Variants in SLC25A53 observed in about 807,000 individuals in gnomAD.
SLC25A53 encodes solute carrier family 25 member 53.
In SLC25A53, 5 loss-of-function variants were observed where a neutral mutation model predicts 15.0. The ratio of observed to expected loss-of-function variants is 0.33; its 90% CI spans 0.17 to 0.70. SLC25A53 has a LOEUF of 0.70. SLC25A53 is among the 30% of genes least tolerant of loss of function. The pLI is 0.67. For synonymous variants in SLC25A53, 95 were observed against 100.0 expected, an observed-to-expected ratio of 0.95 and a Z score of 0.30; for missense variants, 216 against 241.6, an observed-to-expected ratio of 0.89 and a Z score of 0.70.
intron 1 of SLC25A53, among the ~76,000 whole-genome samples, chrX:104,121,908 T>TTC (rs2075394928): frequency 3.0e-5 from 1 of 33,528 alleles, no homozygotes; most frequent in African/African-American, 9.4e-5. Context: ...TATATATATA[T>TTC]ATATATATAT....
intron 1 of SLC25A53, among the ~76,000 whole-genome samples, chrX:104,140,905 C>G (rs782052995): frequency 3.6e-5 from 4 of 110,811 alleles, no homozygotes; most frequent in Non-Finnish European, 7.6e-5. Context: ...CAGTCCAAAT[C>G]CTGCCCACCG....
At chrX:104,122,102 T>TC (rs1236098000) in intron 1 of SLC25A53, among the ~76,000 whole-genome samples, 2 of 102,805 alleles carry the variant, frequency 1.9e-5, no homozygotes, top group African/African-American at 7.1e-5. Context: ...CATAGTTCTA[T>TC]CCCCCCTTTT....
At chrX:104,127,852 T>G (rs1391131124) in intron 1 of SLC25A53, among the ~76,000 whole-genome samples, 1 of 111,117 alleles carries the variant, frequency 9.0e-6, no homozygotes, top group Non-Finnish European at 1.9e-5. Context: ...TAATCCCAGC[T>G]ACTCAGGAGG....
intron 1 of SLC25A53, among the ~76,000 whole-genome samples, chrX:104,125,220 GGT>G (rs34777561): frequency 0.38 from 41,188 of 109,420 alleles, 6,083 homozygotes; most frequent in Admixed American, 0.53. Flanking sequence ...TCTGGTCTGG[GGT>G]GTGTTCTTCG....
chrX:104,110,934 G>A (rs144027756), intron 1 of SLC25A53, among the ~76,000 whole-genome samples: 1,365 of 112,700 alleles, frequency 0.012, 28 homozygotes, highest in African/African-American at 0.037. Context: ...GAAGGAAGAC[G>A]TTATGACAGA....
At position 104,150,541 on chromosome X, in the gene SLC25A53, C is replaced by T. The variant is rs782630607; in HGVS notation, c.-32+6337G>A. Among the ~76,000 whole-genome samples, 4 of 112,037 alleles carry T rather than the reference C, an allele frequency of 3.6e-5. No individual in the cohort carries two copies. In the East Asian group the frequency reaches 8.4e-4, roughly 24 times the overall value. Reference sequence around the variant, plus strand: ...AGTGACCAATAAAAAAGCAAGACCACCTCATAACTGTATCTGAAGAAACAA... The same window carrying T: ...AGTGACCAATAAAAAAGCAAGACCATCTCATAACTGTATCTGAAGAAACAA... On this transcript the variant is annotated intron_variant, in intron 1 of 1. Transcript: ENST00000594199.
intron 1 of SLC25A53, among the ~76,000 whole-genome samples, chrX:104,148,622 G>A (rs2075476131): frequency 1.8e-5 from 2 of 109,752 alleles, no homozygotes; most frequent in Non-Finnish European, 3.8e-5. Context: ...TCATAGGTGG[G>A]AACTGAACAT....
Position 104,121,912 on chromosome X carries a change from T to TC in SLC25A53, c.-31-16625_-31-16624insG, listed in dbSNP as rs2075395052. Among the ~76,000 whole-genome samples the TC allele has an allele frequency of 1.8e-3, 72 of 40,891 alleles. 2 individuals carry two copies. Among genetic ancestry groups the TC allele is most frequent in the South Asian group, 6.8e-3 (3 of 438 alleles). 35.5% of individuals were successfully genotyped at this position (40,891 alleles called of 115,157 possible). Reference sequence around the variant, plus strand: ...ATATATATATATATATATATATATATATATATATATATATATATATATATG... The same window carrying TC: ...ATATATATATATATATATATATATATCATATATATATATATATATATATATG... On this transcript the variant is annotated intron_variant, in intron 1 of 1. Transcript: ENST00000594199.
intron 1 of SLC25A53, among the ~76,000 whole-genome samples, chrX:104,118,552 TC>T (rs782143295): frequency 8.8e-6 from 1 of 113,134 alleles, no homozygotes; most frequent in Non-Finnish European, 1.9e-5. Flanking sequence ...TCATAGCAAC[TC>T]CCTTAAGATA....
intron 1 of SLC25A53, among the ~76,000 whole-genome samples, chrX:104,116,614 C>G (rs1388512602): frequency 9.0e-6 from 1 of 111,266 alleles, no homozygotes; most frequent in African/African-American, 3.3e-5. Context: ...TCACACAGAA[C>G]CCTGGGCTAT....
chrX:104,153,621 G>A (rs1156385080), intron 1 of SLC25A53, among the ~76,000 whole-genome samples: 3 of 111,197 alleles, frequency 2.7e-5, no homozygotes, highest in African/African-American at 6.5e-5. Flanking sequence ...TTCATTTTTC[G>A]TTGTTGATAC....
intron 1 of SLC25A53, among the ~76,000 whole-genome samples, chrX:104,137,627 T>C (rs1182210903): frequency 9.0e-6 from 1 of 111,687 alleles, no homozygotes; most frequent in East Asian, 2.8e-4. Flanking sequence ...TTTCAGACTT[T>C]CAGTGCTTCC....
At chrX:104,133,226 T>G (rs1196610114) in intron 1 of SLC25A53, among the ~76,000 whole-genome samples, 1 of 111,672 alleles carries the variant, frequency 9.0e-6, no homozygotes, top group Admixed American at 9.5e-5. Context: ...AACAGAAAAA[T>G]GTAACCTATA....
chrX:104,145,829 C>T (rs1469436112), intron 1 of SLC25A53, among the ~76,000 whole-genome samples: 2 of 111,984 alleles, frequency 1.8e-5, no homozygotes, highest in East Asian at 5.6e-4. Context: ...AGCCTACCAA[C>T]CAAAATAAGT....
At chrX:104,115,710 G>A (rs1331360574) in intron 1 of SLC25A53, 1 of 162,040 alleles carries the variant, frequency 6.2e-6, no homozygotes, top group Non-Finnish European at 1.3e-5. Flanking sequence ...ATATCTCCCT[G>A]TACCTGTGTA....
At chrX:104,129,644 T>G (rs923333519) in intron 1 of SLC25A53, among the ~76,000 whole-genome samples, 36 of 110,453 alleles carry the variant, frequency 3.3e-4, no homozygotes, top group Non-Finnish European at 1.3e-4. Flanking sequence ...TGAATGACTA[T>G]TGAAAGCACT....
intron 1 of SLC25A53, among the ~76,000 whole-genome samples, chrX:104,140,786 T>C (rs7056205): frequency 0.039 from 4,310 of 111,426 alleles, 174 homozygotes; most frequent in African/African-American, 0.13. Flanking sequence ...TGGCTGCCCA[T>C]AGTTCTCACC....
intron 1 of SLC25A53, among the ~76,000 whole-genome samples, chrX:104,122,295 CTTTTT>C (rs1220318845): frequency 9.9e-5 from 9 of 90,736 alleles, no homozygotes; most frequent in South Asian, 5.2e-4. Flanking sequence ...TGTCTGATTT[CTTTTT>C]TTTGTTTTTT....
Position 104,104,298 on chromosome X carries a change from T to C in SLC25A53, c.*36A>G, listed in dbSNP as rs112838529. On this transcript the variant is annotated 3_prime_UTR_variant, in exon 2 of 2. Transcript: ENST00000594199. ...TATATAGAACCAACCAGGGAAGATT[T>C]AGAATAACAAAGCTGCCATGCCACA... is the stretch of plus-strand genomic sequence containing the variant. The C allele has an allele frequency of 6.5e-5, 77 of 1,178,000 alleles. No homozygotes were observed. The African/African-American group carries it at 1.1e-3, about 17-fold the overall frequency.
Sources: allele counts gnomAD v4.1 joint callset (sites outside exome capture counted in the v4.1 genomes callset), GRCh38; gene constraint gnomAD v4.1.1; transcripts MANE v1.5; gene names NCBI Gene and HGNC (gene_info 2026-07-23, HGNC 2026-07-21).